GMDS: variants seen among roughly 807,000 people sequenced by gnomAD.
GMDS encodes GDP-mannose 4,6-dehydratase.
Under a neutral mutation model 49.9 loss-of-function variants are expected in GMDS, and 20 were observed. That is an observed-to-expected ratio of 0.40 (90% CI 0.28 to 0.58). The LOEUF is 0.58. Ranked by LOEUF, GMDS falls within the 20% of genes least tolerant of loss-of-function variation. The probability of loss-of-function intolerance (pLI) is 0.42; values close to 1 mark genes in which losing one functional copy is unlikely to be tolerated. For synonymous variants in GMDS, 177 were observed against 178.6 expected, an observed-to-expected ratio of 0.99 and a Z score of 0.07; for missense variants, 362 against 481.4, an observed-to-expected ratio of 0.75 and a Z score of 2.32.
At chr6:1,791,188 C>T (rs1769527922) in intron 7 of GMDS, among the ~76,000 whole-genome samples, 1 of 152,210 alleles carries the variant, frequency 6.6e-6, no homozygotes, top group African/African-American at 2.4e-5. Context: ...CTATAACACT[C>T]ATTTGGACTT....
intron 1 of GMDS, among the ~76,000 whole-genome samples, chr6:2,173,809 G>A (rs1327208261): frequency 6.6e-6 from 1 of 152,182 alleles, no homozygotes; most frequent in East Asian, 1.9e-4. Context: ...CACACCCACT[G>A]AGTCTTACGC....
intron 7 of GMDS, among the ~76,000 whole-genome samples, chr6:1,750,515 T>C (rs1319433087): frequency 6.6e-6 from 1 of 152,034 alleles, no homozygotes; most frequent in Non-Finnish European, 1.5e-5. Context: ...AGGGAAACCT[T>C]GAGGGACTGT....
At chr6:1,838,638 T>C (rs962346467) in intron 7 of GMDS, among the ~76,000 whole-genome samples, 1 of 152,200 alleles carries the variant, frequency 6.6e-6, no homozygotes, top group African/African-American at 2.4e-5. Flanking sequence ...AGTACTGTGA[T>C]TGGTATGAAG....
intron 1 of GMDS, among the ~76,000 whole-genome samples, chr6:2,196,739 A>C (rs1005476688): frequency 1.3e-5 from 2 of 152,226 alleles, no homozygotes; most frequent in Non-Finnish European, 2.9e-5. Flanking sequence ...AAGTTAAACA[A>C]AAGTACACTC....
chr6:1,715,503 A>T (rs780671980), intron 9 of GMDS, among the ~76,000 whole-genome samples: 1 of 152,212 alleles, frequency 6.6e-6, no homozygotes. Context: ...GACCCATCAC[A>T]ATGCAATGGG....
chr6:1,918,618 A>G (rs1190021344), intron 7 of GMDS, among the ~76,000 whole-genome samples: 1 of 152,112 alleles, frequency 6.6e-6, no homozygotes, highest in African/African-American at 2.4e-5. Context: ...GCATGGTGGT[A>G]CATGCCTGTA....
At chr6:1,853,982 T>C (rs1223273935) in intron 7 of GMDS, among the ~76,000 whole-genome samples, 1 of 152,166 alleles carries the variant, frequency 6.6e-6, no homozygotes, top group African/African-American at 2.4e-5. Context: ...TTTCAGAACA[T>C]GGACATGGTC....
intron 9 of GMDS, among the ~76,000 whole-genome samples, chr6:1,652,341 C>T: frequency 9.8e-6 from 1 of 102,536 alleles, no homozygotes; most frequent in African/African-American, 3.9e-5. Flanking sequence ...CATTGCACTC[C>T]AGCCTGGGTG....
At position 2,245,423 on chromosome 6, in the gene GMDS, G is replaced by T. The variant is rs1347135923; in HGVS notation, c.-1C>A. On this transcript the variant is annotated 5_prime_UTR_variant, in exon 1 of 11. Transcript: ENST00000380815. The stretch of plus-strand genomic sequence containing the variant: ...GGCAGCGTGCCGGTGCGTGTGCCAT[G>T]TCCCGCGGCGGGCGTGCGGTCGGCG... 6.8e-7 allele frequency: 1 copy of T among 1,477,062 alleles called. No individual in the cohort carries two copies. The allele number at this position is 1,477,062 out of a possible 1,614,324, so 91.5% of individuals were successfully genotyped here. A position where few individuals can be genotyped will look rare whatever the true frequency, so the allele number is the denominator to read the frequency against.
At position 2,155,735 on chromosome 6, in the gene GMDS, C is replaced by T. The variant is rs137973388; in HGVS notation, c.103-31004G>A. 2.6e-3 allele frequency among the ~76,000 whole-genome samples: 393 copies of T among 152,220 alleles called. 1 individual carries two copies. Among genetic ancestry groups the T allele is most frequent in the African/African-American group, 9.1e-3 (380 of 41,542 alleles). Reference sequence around the variant, plus strand: ...TGTGTAAGAAGAATAGCCATGATACCAGTTTCCTCTTAAGCAGCAGCTCCA... The same window carrying T: ...TGTGTAAGAAGAATAGCCATGATACTAGTTTCCTCTTAAGCAGCAGCTCCA... On this transcript the variant is annotated intron_variant, in intron 1 of 10. Transcript: ENST00000380815.
intron 1 of GMDS, among the ~76,000 whole-genome samples, chr6:2,207,079 T>TAA (rs1439482097): frequency 6.6e-6 from 1 of 152,174 alleles, no homozygotes; most frequent in African/African-American, 2.4e-5. Flanking sequence ...AAGCTGCACA[T>TAA]AAGTTAGAAT....
chr6:1,683,022 CGTGGGTG>C (rs1764837152), intron 9 of GMDS, among the ~76,000 whole-genome samples: 3 of 72,364 alleles, frequency 4.1e-5, no homozygotes, highest in Non-Finnish European at 1.2e-4. Flanking sequence ...AAACCACGCA[CGTGGGTG>C]AGCACGTGGG....
At chr6:1,688,897 T>A (rs1195608017) in intron 9 of GMDS, among the ~76,000 whole-genome samples, 1 of 152,198 alleles carries the variant, frequency 6.6e-6, no homozygotes, top group Non-Finnish European at 1.5e-5. Context: ...GGGAAATAAA[T>A]GATAGCACTT....
At chr6:1,915,165 T>C (rs543421227) in intron 7 of GMDS, among the ~76,000 whole-genome samples, 6 of 152,308 alleles carry the variant, frequency 3.9e-5, no homozygotes, top group Non-Finnish European at 7.4e-5. Context: ...GCTGGACACT[T>C]GGATTTGAGG....
At chr6:1,905,364 G>T (rs1190942040) in intron 7 of GMDS, among the ~76,000 whole-genome samples, 3 of 150,058 alleles carry the variant, frequency 2.0e-5, no homozygotes, top group African/African-American at 2.5e-5. Context: ...TCTGCATGTG[G>T]GGCCAGCACA....
intron 7 of GMDS, among the ~76,000 whole-genome samples, chr6:1,750,018 A>G (rs114079500): frequency 1.3e-5 from 2 of 152,222 alleles, no homozygotes; most frequent in Non-Finnish European, 2.9e-5. Context: ...TTTTTAGTAT[A>G]CAAAAATACT....
At chr6:1,708,969 G>A (rs1443673619) in intron 9 of GMDS, among the ~76,000 whole-genome samples, 1 of 152,190 alleles carries the variant, frequency 6.6e-6, no homozygotes, top group African/African-American at 2.4e-5. Flanking sequence ...ATCCCTCAAA[G>A]CCTTCATACC....
chr6:1,972,290 A>G (rs530784064), intron 4 of GMDS, among the ~76,000 whole-genome samples: 100 of 147,554 alleles, frequency 6.8e-4, no homozygotes, highest in Admixed American at 8.7e-4. Flanking sequence ...GAAAATCTTA[A>G]TTTAAAAATA....
chr6:2,063,847 G>A (rs1024460552), intron 4 of GMDS, among the ~76,000 whole-genome samples: 2 of 152,210 alleles, frequency 1.3e-5, no homozygotes, highest in Non-Finnish European at 2.9e-5. Context: ...GAGTGAGAAC[G>A]AGCCAGAAAA....
Sources: gnomAD v4.1 joint callset for allele counts (sites outside exome capture counted in the v4.1 genomes callset) on GRCh38, gnomAD v4.1.1 for gene constraint, MANE v1.5 for transcripts, NCBI Gene and HGNC (gene_info 2026-07-23, HGNC 2026-07-21) for gene names.